The following DGLUCY variants were observed in gnomAD, a reference collection of about 807,000 sequenced individuals.
DGLUCY encodes D-glutamate cyclase, mitochondrial.
DGLUCY carries 58 observed loss-of-function variants against 58.5 expected under a neutral mutation model. The observed-to-expected ratio is 0.99, with a 90% CI of 0.80 to 1.23. The LOEUF (loss-of-function observed/expected upper bound fraction) is 1.23. DGLUCY is among the 50% of genes most tolerant of loss of function. DGLUCY has a pLI of 0.00. For missense variants in DGLUCY, 779 were observed against 784.7 expected (o/e 0.99, Z 0.09); for synonymous variants, 325 against 314.1 (o/e 1.03, Z -0.37).
intron 1 of DGLUCY, among the ~76,000 whole-genome samples, chr14:91,080,328 A>T (rs2044102534): frequency 6.6e-6 from 1 of 152,226 alleles, no homozygotes; most frequent in Admixed American, 6.5e-5. Flanking sequence ...CTGCCGAATC[A>T]TACAGTAAGT....
chr14:91,195,277 AC>A lies in DGLUCY; in HGVS notation c.1196-1096del, dbSNP rs545986942. On this transcript the variant is annotated intron_variant, in intron 9 of 13. Transcript: ENST00000256324. ...GTGACTATGCTGGGATTCTATCCCAACCTGCTGTGAGATAGATCGGTTAATG... is the reference window on the plus strand; with the variant it reads ...GTGACTATGCTGGGATTCTATCCCAACTGCTGTGAGATAGATCGGTTAATG... Among the ~76,000 whole-genome samples the A allele has an allele frequency of 7.9e-5, 12 of 152,330 alleles. No individual in the cohort carries two copies. In the South Asian group the frequency reaches 2.3e-3, roughly 29 times the overall value.
chr14:91,195,939 G>C (rs749004819), intron 9 of DGLUCY, among the ~76,000 whole-genome samples: 19 of 152,120 alleles, frequency 1.2e-4, no homozygotes, highest in Non-Finnish European at 2.4e-4. Flanking sequence ...CAAAGTGCTG[G>C]AATTACAGGC....
chr14:91,165,837 C>G (rs1290730100), intron 3 of DGLUCY, among the ~76,000 whole-genome samples: 1 of 152,230 alleles, frequency 6.6e-6, no homozygotes, highest in East Asian at 1.9e-4. Flanking sequence ...ATGTGTATAA[C>G]TTACCACCCC....
chr14:91,062,784 T>G (rs1276735876), intron 1 of DGLUCY, among the ~76,000 whole-genome samples: 1 of 151,694 alleles, frequency 6.6e-6, no homozygotes, highest in Non-Finnish European at 1.5e-5. Flanking sequence ...CTGGAACATT[T>G]ATCATCACAC....
Position 91,213,250 on chromosome 14 carries a change from C to T in DGLUCY, c.1565-2155C>T, listed in dbSNP as rs549564653. ...AGGAGTTCAGGGCCAGCCTGGCCAA[C>T]GCAGTAAAACTCCATCTCTACTAAA... On this transcript the variant is annotated intron_variant, in intron 12 of 13. Coordinates refer to ENST00000256324, the MANE Select transcript of DGLUCY (RefSeq NM_001102368.3). Among the ~76,000 whole-genome samples the T allele has an allele frequency of 2.6e-5, 4 of 152,218 alleles. No homozygotes were observed. The South Asian group carries it at 8.3e-4, about 32-fold the overall frequency.
intron 1 of DGLUCY, among the ~76,000 whole-genome samples, chr14:91,135,347 C>T (rs1350262339): frequency 6.6e-6 from 1 of 152,092 alleles, no homozygotes; most frequent in Non-Finnish European, 1.5e-5. Flanking sequence ...TCAACATTCA[C>T]CATTAAGTAT....
chr14:91,185,455 A>C (rs1036377066), intron 8 of DGLUCY: 1 of 149,742 alleles, frequency 6.7e-6, no homozygotes, highest in African/African-American at 2.5e-5. Context: ...GCTAATTTTT[A>C]ATTTTTTTTT....
At chr14:91,090,418 T>A (rs1179956511) in intron 1 of DGLUCY, among the ~76,000 whole-genome samples, 1 of 152,052 alleles carries the variant, frequency 6.6e-6, no homozygotes, top group Non-Finnish European at 1.5e-5. Flanking sequence ...ACAAGCTACA[T>A]CCTCTGTGAG....
rs114809224 is a variant in DGLUCY, at chr14:91,169,371, A to G, written c.258-632A>G. On this transcript the variant is annotated intron_variant, in intron 4 of 13. Coordinates refer to ENST00000256324, the MANE Select transcript of DGLUCY (RefSeq NM_001102368.3). ...CCTTTGGGCTACTGGTCCTACCTCT[A>G]TAGCAGAGAGGCCACCATTTACTTT... is the stretch of plus-strand genomic sequence containing the variant. 1.5e-3 allele frequency among the ~76,000 whole-genome samples: 223 copies of G among 151,368 alleles called. 3 individuals carry two copies. Among genetic ancestry groups the G allele is most frequent in the African/African-American group, 5.2e-3 (214 of 41,292 alleles).
At chr14:91,108,453 G>C (rs1332313019) in intron 1 of DGLUCY, among the ~76,000 whole-genome samples, 1 of 149,780 alleles carries the variant, frequency 6.7e-6, no homozygotes, top group Non-Finnish European at 1.5e-5. Flanking sequence ...CTTTAGACTT[G>C]ACTCTGTGGT....
chr14:91,160,170 A>G, intron 2 of DGLUCY, 96 bp from the exon 3 acceptor site: 1 of 784,502 alleles, frequency 1.3e-6, no homozygotes, highest in Non-Finnish European at 2.2e-6. Context: ...AGGAAAGGGT[A>G]GGATGTGATG....
intron 1 of DGLUCY, among the ~76,000 whole-genome samples, chr14:91,136,154 C>T (rs1201024335): frequency 1.3e-5 from 2 of 151,448 alleles, no homozygotes; most frequent in African/African-American, 2.4e-5. Context: ...AGGTTGGTCT[C>T]GATTTCCTGA....
intron 1 of DGLUCY, among the ~76,000 whole-genome samples, chr14:91,119,917 C>T (rs1237380729): frequency 2.0e-5 from 3 of 152,168 alleles, no homozygotes; most frequent in African/African-American, 7.2e-5. Flanking sequence ...AGTTCTTCAG[C>T]TTTGGACTCT....
intron 9 of DGLUCY, among the ~76,000 whole-genome samples, chr14:91,189,538 A>G (rs1416397513): frequency 6.6e-6 from 1 of 152,184 alleles, no homozygotes; most frequent in East Asian, 1.9e-4. Context: ...AGTGGCTGAA[A>G]GGCTCAGACA....
At chr14:91,136,866 G>T (rs1159343629) in intron 1 of DGLUCY, among the ~76,000 whole-genome samples, 1 of 152,136 alleles carries the variant, frequency 6.6e-6, no homozygotes, top group Non-Finnish European at 1.5e-5. Context: ...CTACTGGGGA[G>T]GCTGAGGCAG....
At chr14:91,069,799 C>CTTTTTTTTTTTTTTTTTTTTTTTTTTTTT in intron 1 of DGLUCY, among the ~76,000 whole-genome samples, 1 of 121,038 alleles carries the variant, frequency 8.3e-6, no homozygotes, top group Non-Finnish European at 1.7e-5. Flanking sequence ...TGATATGCCT[C>CTTTTTTTTTTTTTTTTTTTTTTTTTTTTT]TTTTTTTTTT....
At chr14:91,183,969 G>A (rs529024122) in intron 8 of DGLUCY, among the ~76,000 whole-genome samples, 1 of 152,090 alleles carries the variant, frequency 6.6e-6, no homozygotes, top group Admixed American at 6.6e-5. Context: ...CACCTGGAAT[G>A]ACTGGAGAGG....
In DGLUCY at chr14:91,175,992, C is replaced by G. The variant is rs776180503; in HGVS notation, c.666C>G (p.Pro222=). 2 of 1,614,074 alleles carry G rather than the reference C, an allele frequency of 1.2e-6. No homozygotes were observed. The highest frequency in any genetic ancestry group is 1.1e-5 in the South Asian group (1 of 91,084). ...CCTACGGGGATGCCATGGTGTGTCC[C>G]CCAGGGGAGGTTCCAGTGTTCTGGC... ...KPAYGDAMVC[P]PGEVPVFWPS... The change falls in exon 7 of 14, where the codon CCC becomes CCG. Residue 222 remains proline (P), a synonymous_variant. Transcript: ENST00000256324.
At chr14:91,077,428 G>T (rs199696532) in intron 1 of DGLUCY, among the ~76,000 whole-genome samples, 1 of 148,534 alleles carries the variant, frequency 6.7e-6, no homozygotes, top group Admixed American at 6.8e-5. Flanking sequence ...AGGAGGGAGG[G>T]AGGAAGGAAG....
Sources: allele counts gnomAD v4.1 joint callset (sites outside exome capture counted in the v4.1 genomes callset), GRCh38; gene constraint gnomAD v4.1.1; transcripts MANE v1.5; gene names NCBI Gene and HGNC (gene_info 2026-07-23, HGNC 2026-07-21).